Variants in ATG16L1 observed in about 807,000 individuals in gnomAD.
The protein encoded by ATG16L1 is autophagy related 16 like 1, also known as autophagy-related protein 16-1.
In ATG16L1, 37 loss-of-function variants were observed where a neutral mutation model predicts 88.5. The ratio of observed to expected loss-of-function variants is 0.42; its 90% confidence interval spans 0.32 to 0.55. ATG16L1 has a LOEUF of 0.55. Among genes scored for constraint, ATG16L1 ranks in the 20% least tolerant of loss-of-function variants. The probability of loss-of-function intolerance (pLI) is 0.13; values close to 1 mark genes in which losing one functional copy is unlikely to be tolerated. For synonymous variants in ATG16L1, 301 were observed against 281.0 expected (o/e 1.07, Z -0.71); for missense variants, 554 against 752.8 (o/e 0.74, Z 3.09).
intron 2 of ATG16L1, among the ~76,000 whole-genome samples, chr2:233,256,822 C>G (rs1407845975): frequency 2.0e-5 from 3 of 152,020 alleles, no homozygotes; most frequent in Non-Finnish European, 4.4e-5. Flanking sequence ...CTGCCTCAGC[C>G]TCCCAAATAG....
chr2:233,251,792 C>T lies in ATG16L1; in HGVS notation c.-36C>T. On this transcript the variant is annotated 5_prime_UTR_variant, in exon 1 of 18. Coordinates refer to ENST00000392017, the MANE Select transcript of ATG16L1 (RefSeq NM_030803.7). ...GGCTGCGGCCGTCAGCCCTCGCTCG[C>T]ATTGGTGGCGCTGAGGTGCCGGGGC... 1 of 1,536,112 alleles carries T rather than the reference C, an allele frequency of 6.5e-7. No individual in the cohort carries two copies. The highest frequency in any genetic ancestry group is 8.8e-7 in the Non-Finnish European group (1 of 1,135,350).
chr2:233,259,188 C>G (rs1171303994), intron 2 of ATG16L1, among the ~76,000 whole-genome samples: 1 of 152,090 alleles, frequency 6.6e-6, no homozygotes, highest in Non-Finnish European at 1.5e-5. Context: ...CAGTAGAAAG[C>G]AGGGTGGTCT....
At chr2:233,260,144 G>A (rs35300242) in intron 2 of ATG16L1, among the ~76,000 whole-genome samples, 63,341 of 151,988 alleles carry the variant, frequency 0.42, 14,311 homozygotes, top group Non-Finnish European at 0.52. Flanking sequence ...CTAATTAACC[G>A]TAAAACACTG....
intron 10 of ATG16L1, among the ~76,000 whole-genome samples, chr2:233,278,052 A>C (rs957341446): frequency 6.6e-6 from 1 of 152,246 alleles, no homozygotes; most frequent in Non-Finnish European, 1.5e-5. Context: ...CAATTAAACT[A>C]TACATTAAGC....
chr2:233,293,365 G>A lies in ATG16L1; in HGVS notation c.1730+8G>A. On this transcript the variant is annotated splice_region_variant and intron_variant, in intron 17 of 17. Coordinates refer to ENST00000392017, the MANE Select transcript of ATG16L1 (RefSeq NM_030803.7). Reference sequence around the variant, plus strand: ...TCTTTCAAAGCAGCACAGGTAAGATGAACCCTGTCTCAGCCCCCCGTTGCG... The same window carrying A: ...TCTTTCAAAGCAGCACAGGTAAGATAAACCCTGTCTCAGCCCCCCGTTGCG... 6.2e-7 allele frequency: 1 copy of A among 1,610,834 alleles called. No homozygotes were observed. Among genetic ancestry groups the A allele is most frequent in the South Asian group, 1.1e-5 (1 of 90,986 alleles).
intron 3 of ATG16L1, 127 bp downstream of exon 3, chr2:233,263,362 C>T: frequency 1.3e-6 from 1 of 769,448 alleles, no homozygotes; most frequent in Non-Finnish European, 2.1e-6. Flanking sequence ...CAAAAGTCCC[C>T]TCCATAGGAA....
Position 233,294,421 on chromosome 2 carries a change from C to A in ATG16L1, c.*71C>A. On this transcript the variant is annotated 3_prime_UTR_variant, in exon 18 of 18. Transcript: ENST00000392017. The stretch of plus-strand genomic sequence containing the variant: ...AGCACATGGGCTCCTGCAGCCCTGT[C>A]CTGGCAGGTGATGTGCTGGGTATAG... 1 of 1,277,086 alleles carries A rather than the reference C, an allele frequency of 7.8e-7. No individual in the cohort carries two copies. Among genetic ancestry groups the A allele is most frequent in the Non-Finnish European group, 1.1e-6 (1 of 893,656 alleles). 79.1% of individuals were successfully genotyped at this position (1,277,086 alleles called of 1,614,324 possible).
intron 12 of ATG16L1, among the ~76,000 whole-genome samples, chr2:233,284,788 C>T (rs140861453): frequency 9.8e-5 from 15 of 152,288 alleles, no homozygotes; most frequent in African/African-American, 3.6e-4. Context: ...TTTCTTAAAT[C>T]TACAAGGGAG....
intron 8 of ATG16L1, chr2:233,274,082 G>C: frequency 6.6e-7 from 1 of 1,524,832 alleles, no homozygotes; most frequent in Middle Eastern, 1.7e-4. Flanking sequence ...TGTGAGTGTG[G>C]GTCCTTAACA....
chr2:233,290,836 A>T (rs905764986), intron 14 of ATG16L1, among the ~76,000 whole-genome samples: 1 of 152,216 alleles, frequency 6.6e-6, no homozygotes, highest in Non-Finnish European at 1.5e-5. Flanking sequence ...GGCAGAAGCC[A>T]GTGAGGGGGC....
intron 2 of ATG16L1, among the ~76,000 whole-genome samples, chr2:233,261,602 C>G (rs1697217149): frequency 6.6e-6 from 1 of 152,036 alleles, no homozygotes. Context: ...CACCTTTATC[C>G]CCCTCTTTTT....
Position 233,294,495 on chromosome 2 carries a change from G to A in ATG16L1, c.*145G>A, listed in dbSNP as rs181280672. ...AGCTATGTGGCACTGTAGCTTTGCC[G>A]TGAATGGGATTTCTGAAGATTTGAC... On this transcript the variant is annotated 3_prime_UTR_variant, in exon 18 of 18. Transcript: ENST00000392017. 2.5e-5 allele frequency: 14 copies of A among 549,302 alleles called. No homozygotes were observed. The highest frequency in any genetic ancestry group is 1.2e-4 in the African/African-American group (6 of 51,676). 34.0% of individuals were successfully genotyped at this position (549,302 alleles called of 1,614,324 possible).
At chr2:233,275,542 G>C in intron 9 of ATG16L1, 1 of 356,000 alleles carries the variant, frequency 2.8e-6, no homozygotes, top group South Asian at 2.1e-5. Flanking sequence ...TATGGTGGGA[G>C]CTTTGGGTTC....
At chr2:233,258,796 A>G (rs1696993897) in intron 2 of ATG16L1, among the ~76,000 whole-genome samples, 1 of 152,108 alleles carries the variant, frequency 6.6e-6, no homozygotes, top group African/African-American at 2.4e-5. Context: ...TCCAGGGCTC[A>G]AGCAATCCTC....
chr2:233,282,458 G>A (rs755080337), intron 11 of ATG16L1, among the ~76,000 whole-genome samples: 1 of 152,026 alleles, frequency 6.6e-6, no homozygotes, highest in Non-Finnish European at 1.5e-5. Context: ...TGAGGTGTCT[G>A]CAATATTCTG....
chr2:233,293,241 T>C lies in ATG16L1; in HGVS notation c.1629-15T>C, dbSNP rs1699586183. ...GGGGAATTGACAACCTTTCTTTTCT[T>C]ACTGTCTTCTGTAGCCCTGATGGCA... On this transcript the variant is annotated splice_polypyrimidine_tract_variant and intron_variant, in intron 16 of 17. Coordinates refer to ENST00000392017, the MANE Select transcript of ATG16L1 (RefSeq NM_030803.7). The C allele has an allele frequency of 1.2e-6, 2 of 1,611,028 alleles. No individual in the cohort carries two copies. The highest frequency in any genetic ancestry group is 2.7e-5 in the African/African-American group (2 of 74,840).
At chr2:233,257,346 C>T (rs1042819245) in intron 2 of ATG16L1, among the ~76,000 whole-genome samples, 2 of 152,142 alleles carry the variant, frequency 1.3e-5, no homozygotes, top group African/African-American at 4.8e-5. Context: ...CAATTTTTAA[C>T]CTTTATAATG....
intron 8 of ATG16L1, 91 bp from the exon 9 acceptor site, chr2:233,274,585 A>C (rs1225218138): frequency 1.1e-6 from 1 of 933,224 alleles, no homozygotes; most frequent in Non-Finnish European, 1.6e-6. Context: ...AGTCTGCTTA[A>C]GCAAGGTCGT....
chr2:233,277,405 A>C, intron 9 of ATG16L1, 163 bp from the exon 10 acceptor site: 1 of 586,440 alleles, frequency 1.7e-6, no homozygotes, highest in Non-Finnish European at 3.0e-6. Flanking sequence ...ATGATAATAG[A>C]ATCTTAGTTG....
Sources: allele counts gnomAD v4.1 joint callset (sites outside exome capture counted in the v4.1 genomes callset), GRCh38; gene constraint gnomAD v4.1.1; transcripts MANE v1.5; gene names NCBI Gene and HGNC (gene_info 2026-07-23, HGNC 2026-07-21).